The following CCDC178 variants were observed in gnomAD, a reference collection of about 807,000 sequenced individuals.
CCDC178 encodes coiled-coil domain-containing protein 178.
A neutral mutation model predicts 117.4 loss-of-function variants in CCDC178; 126 were observed. The ratio of observed to expected loss-of-function variants is 1.07; its 90% CI spans 0.93 to 1.24. CCDC178 has a LOEUF of 1.24. CCDC178 is among the 50% of genes most tolerant of loss of function. CCDC178 has a pLI of 0.00. For missense variants in CCDC178, 1,030 were observed against 986.9 expected (o/e 1.04, Z -0.59); for synonymous variants, 283 against 313.4 (o/e 0.90, Z 1.02).
chr18:33,099,297 C>T (rs113969487), intron 20 of CCDC178, among the ~76,000 whole-genome samples: 3 of 152,090 alleles, frequency 2.0e-5, no homozygotes, highest in African/African-American at 4.8e-5. Context: ...GTGCACATGC[C>T]CACGCATTAC....
intron 20 of CCDC178, among the ~76,000 whole-genome samples, chr18:33,178,754 A>G (rs373177): frequency 6.6e-6 from 1 of 151,980 alleles, no homozygotes; most frequent in African/African-American, 2.4e-5. Context: ...CTACCTGGCT[A>G]GCTCCTACAT....
intron 11 of CCDC178, among the ~76,000 whole-genome samples, chr18:33,300,032 T>C (rs2062156670): frequency 6.6e-6 from 1 of 152,152 alleles, no homozygotes; most frequent in Non-Finnish European, 1.5e-5. Context: ...TGGGAGCTGT[T>C]TCGGTCATGG....
intron 21 of CCDC178, among the ~76,000 whole-genome samples, chr18:33,081,929 T>C (rs779241554): frequency 8.5e-5 from 13 of 152,206 alleles, no homozygotes; most frequent in Admixed American, 4.6e-4. Flanking sequence ...TCAGTGAGAA[T>C]TGCTCTTCAA....
chr18:33,346,047 C>T (rs78063555), intron 9 of CCDC178, among the ~76,000 whole-genome samples, 164 bp downstream of exon 9: 2,925 of 152,130 alleles, frequency 0.019, 45 homozygotes, highest in South Asian at 0.073. Context: ...AGGCTGGTCT[C>T]GAACTCCTGG....
At chr18:33,358,764 G>A (rs2063091060) in intron 6 of CCDC178, among the ~76,000 whole-genome samples, 1 of 151,594 alleles carries the variant, frequency 6.6e-6, no homozygotes, top group African/African-American at 2.4e-5. Context: ...AAAGTAAAGT[G>A]ATAAATTTAA....
intron 20 of CCDC178, among the ~76,000 whole-genome samples, chr18:33,133,476 G>A (rs1484083378): frequency 2.0e-5 from 3 of 151,900 alleles, no homozygotes; most frequent in African/African-American, 7.2e-5. Flanking sequence ...ATCCCTGAAG[G>A]CCTGCTGTGA....
chr18:33,400,935 T>C (rs1448866564), intron 3 of CCDC178, among the ~76,000 whole-genome samples: 1 of 152,218 alleles, frequency 6.6e-6, no homozygotes, highest in South Asian at 2.1e-4. Context: ...TAATTCTTCC[T>C]TTCCCTTGAA....
At chr18:33,181,554 G>A (rs1347434784) in intron 20 of CCDC178, among the ~76,000 whole-genome samples, 1 of 151,890 alleles carries the variant, frequency 6.6e-6, no homozygotes, top group East Asian at 1.9e-4. Flanking sequence ...ATAAAGAAAG[G>A]TGTTTTATAA....
intron 5 of CCDC178, among the ~76,000 whole-genome samples, chr18:33,379,124 TAA>T (rs1568187671): frequency 0.016 from 102 of 6,456 alleles, no homozygotes; most frequent in Non-Finnish European, 0.056. Context: ...CATATATATA[TAA>T]TATATATATT....
intron 20 of CCDC178, among the ~76,000 whole-genome samples, chr18:33,178,003 T>C (rs753740517): frequency 1.3e-5 from 2 of 152,120 alleles, no homozygotes; most frequent in Non-Finnish European, 2.9e-5. Flanking sequence ...CTGCTCTCAC[T>C]TCTCTCAGTG....
intron 21 of CCDC178, among the ~76,000 whole-genome samples, chr18:33,084,445 T>G (rs2057345515): frequency 6.6e-6 from 1 of 152,178 alleles, no homozygotes; most frequent in Non-Finnish European, 1.5e-5. Flanking sequence ...TGGGAAATTT[T>G]TGGCTGTTGT....
At chr18:33,399,853 C>T (rs995846218) in intron 3 of CCDC178, among the ~76,000 whole-genome samples, 1 of 152,168 alleles carries the variant, frequency 6.6e-6, no homozygotes, top group Non-Finnish European at 1.5e-5. Flanking sequence ...TACACATGTA[C>T]ACTTTCCTCA....
chr18:33,080,148 G>A (rs758020848), intron 21 of CCDC178, among the ~76,000 whole-genome samples: 1 of 152,024 alleles, frequency 6.6e-6, no homozygotes, highest in Non-Finnish European at 1.5e-5. Context: ...GCTGGAGGCT[G>A]GTATCCTTAA....
chr18:33,281,891 T>G (rs1282610904), intron 12 of CCDC178, among the ~76,000 whole-genome samples: 1 of 152,200 alleles, frequency 6.6e-6, no homozygotes, highest in Non-Finnish European at 1.5e-5. Flanking sequence ...ACTTAAAAAT[T>G]AAAGCACACT....
chr18:33,016,856 A>C (rs2056002214), intron 21 of CCDC178, among the ~76,000 whole-genome samples: 1 of 152,004 alleles, frequency 6.6e-6, no homozygotes, highest in Non-Finnish European at 1.5e-5. Flanking sequence ...AAGTACAGAA[A>C]ATAAAAACAT....
intron 20 of CCDC178, among the ~76,000 whole-genome samples, chr18:33,196,279 G>C (rs1424507449): frequency 1.3e-5 from 2 of 152,206 alleles, no homozygotes; most frequent in African/African-American, 4.8e-5. Context: ...AATACCAAAG[G>C]CTTCCCTGGT....
At chr18:33,203,000 G>A (rs2059010175) in intron 20 of CCDC178, among the ~76,000 whole-genome samples, 1 of 152,074 alleles carries the variant, frequency 6.6e-6, no homozygotes, top group Non-Finnish European at 1.5e-5. Context: ...ATTCTTTTAG[G>A]AGGTTTTGAA....
chr18:33,006,619 T>C (rs761369035), intron 21 of CCDC178, among the ~76,000 whole-genome samples: 1 of 152,076 alleles, frequency 6.6e-6, no homozygotes, highest in Non-Finnish European at 1.5e-5. Context: ...TTTTTGAGTA[T>C]GGGCAGAATC....
chr18:33,093,252 T>C (rs1410287799), intron 20 of CCDC178, among the ~76,000 whole-genome samples: 1 of 152,102 alleles, frequency 6.6e-6, no homozygotes, highest in Non-Finnish European at 1.5e-5. Context: ...TTAATCAGCA[T>C]CCCAGGAGCA....
Sources: gnomAD v4.1 joint callset for allele counts (sites outside exome capture counted in the v4.1 genomes callset) on GRCh38, gnomAD v4.1.1 for gene constraint, MANE v1.5 for transcripts, NCBI Gene and HGNC (gene_info 2026-07-23, HGNC 2026-07-21) for gene names.